The following FAM168A variants were observed in gnomAD, a reference collection of about 807,000 sequenced individuals.
FAM168A encodes family with sequence similarity 168 member A, also known as protein FAM168A.
In FAM168A, 3 loss-of-function variants were observed where a neutral mutation model predicts 28.5. That is an observed-to-expected ratio of 0.11 (90% CI 0.05 to 0.27). FAM168A has a LOEUF of 0.27. FAM168A is among the 10% of genes least tolerant of loss of function. FAM168A has a pLI of 1.00. For synonymous variants in FAM168A, 122 were observed against 124.2 expected (o/e 0.98, Z 0.12); for missense variants, 222 against 311.5 (o/e 0.71, Z 2.16).
chr11:73,501,749 A>C (rs185954723), intron 1 of FAM168A, among the ~76,000 whole-genome samples: 65 of 152,298 alleles, frequency 4.3e-4, no homozygotes, highest in African/African-American at 1.4e-3. Flanking sequence ...AAAGATCTCA[A>C]ATCGACACCC....
chr11:73,459,080 T>TTTTTG (rs1555022932), intron 2 of FAM168A, among the ~76,000 whole-genome samples: 3 of 151,996 alleles, frequency 2.0e-5, no homozygotes, highest in Admixed American at 6.5e-5. Context: ...TCAAACTTTG[T>TTTTTG]TTTTGTTTTG....
chr11:73,579,456 G>C (rs913778578), intron 1 of FAM168A, among the ~76,000 whole-genome samples: 1 of 152,044 alleles, frequency 6.6e-6, no homozygotes, highest in African/African-American at 2.4e-5. Flanking sequence ...TAACTTTGAA[G>C]GTCACACTGC....
At chr11:73,515,714 G>T (rs1417969911) in intron 1 of FAM168A, among the ~76,000 whole-genome samples, 2 of 152,008 alleles carry the variant, frequency 1.3e-5, no homozygotes, top group Admixed American at 1.3e-4. Flanking sequence ...CGCTAATCAA[G>T]AATAGAAATG....
intron 1 of FAM168A, among the ~76,000 whole-genome samples, chr11:73,532,780 G>T (rs567683692): frequency 1.3e-5 from 2 of 152,160 alleles, no homozygotes; most frequent in Non-Finnish European, 2.9e-5. Context: ...GACTTAGGGC[G>T]GATGCATCAT....
intron 1 of FAM168A, among the ~76,000 whole-genome samples, chr11:73,557,580 A>C (rs1943905420): frequency 6.6e-6 from 1 of 152,188 alleles, no homozygotes; most frequent in Non-Finnish European, 1.5e-5. Flanking sequence ...TGGAAATTTT[A>C]ATATTGTTAA....
intron 1 of FAM168A, among the ~76,000 whole-genome samples, chr11:73,594,323 C>T (rs567187157): frequency 1.3e-5 from 2 of 151,406 alleles, no homozygotes; most frequent in Admixed American, 6.6e-5. Flanking sequence ...TGGTCTCGAA[C>T]TCCTAGGCTC....
At chr11:73,532,177 T>G (rs1943522331) in intron 1 of FAM168A, among the ~76,000 whole-genome samples, 1 of 151,958 alleles carries the variant, frequency 6.6e-6, no homozygotes, top group Admixed American at 6.6e-5. Context: ...CTGGGCAAAA[T>G]TAATGATTAT....
In FAM168A at chr11:73,594,736, C is replaced by A. The variant is rs1590761541; in HGVS notation, c.-19+3187G>T. On this transcript the variant is annotated intron_variant, in intron 1 of 7. Coordinates refer to ENST00000356467, the MANE Select transcript of FAM168A (RefSeq NM_015159.3). ...TAGAGATGGGGTTTTGCCATGTTGG[C>A]CAGGCTGATCTCAAACTCCTGACCT... Among the ~76,000 whole-genome samples the A allele has an allele frequency of 2.6e-5, 4 of 151,366 alleles. No individual in the cohort carries two copies. The South Asian group carries it at 8.3e-4, about 31-fold the overall frequency.
intron 1 of FAM168A, among the ~76,000 whole-genome samples, chr11:73,555,441 G>A (rs1005836614): frequency 2.0e-5 from 3 of 152,012 alleles, no homozygotes; most frequent in South Asian, 4.2e-4. Context: ...AAGGAAAAAT[G>A]GGGCTAAGGT....
intron 1 of FAM168A, among the ~76,000 whole-genome samples, chr11:73,582,053 G>A (rs1565307729): frequency 1.3e-5 from 2 of 151,936 alleles, no homozygotes; most frequent in Admixed American, 1.3e-4. Context: ...ATTGCATCTG[G>A]AGCTCCTTGA....
chr11:73,458,464 C>A (rs1297851164), intron 2 of FAM168A, among the ~76,000 whole-genome samples: 1 of 152,208 alleles, frequency 6.6e-6, no homozygotes, highest in African/African-American at 2.4e-5. Flanking sequence ...TAGCATCACA[C>A]ACAGTATCTG....
chr11:73,594,266 A>ATTT (rs749019478), intron 1 of FAM168A, among the ~76,000 whole-genome samples: 2 of 142,772 alleles, frequency 1.4e-5, no homozygotes, highest in African/African-American at 2.6e-5. Flanking sequence ...CACCCAGCAA[A>ATTT]TTTTTTTTTT....
At chr11:73,417,467 C>T (rs866470997) in intron 4 of FAM168A, among the ~76,000 whole-genome samples, 10 of 151,970 alleles carry the variant, frequency 6.6e-5, no homozygotes, top group Non-Finnish European at 1.5e-4. Flanking sequence ...ACATGTATAT[C>T]CCTATTTTTA....
chr11:73,430,436 A>G (rs1866967787), intron 3 of FAM168A: 3 of 424,276 alleles, frequency 7.1e-6, no homozygotes, highest in Non-Finnish European at 1.3e-5. Flanking sequence ...AGGAGGATGC[A>G]GGTCTCAGAC....
At chr11:73,425,828 C>T (rs993303943) in intron 3 of FAM168A, among the ~76,000 whole-genome samples, 7 of 152,210 alleles carry the variant, frequency 4.6e-5, no homozygotes, top group African/African-American at 1.7e-4. Flanking sequence ...TCAAGGGATC[C>T]CCCCGCCTTG....
chr11:73,451,855 A>C (rs774799086), intron 2 of FAM168A, among the ~76,000 whole-genome samples: 6 of 152,254 alleles, frequency 3.9e-5, no homozygotes, highest in Non-Finnish European at 7.3e-5. Flanking sequence ...CATGAGTGTA[A>C]GTTAACTATG....
intron 4 of FAM168A, among the ~76,000 whole-genome samples, chr11:73,417,794 T>C (rs1474924994): frequency 3.9e-5 from 6 of 152,044 alleles, no homozygotes; most frequent in East Asian, 1.9e-4. Flanking sequence ...CTTCTGACCT[T>C]GTGATCCGCC....
At chr11:73,515,069 C>A (rs1943283166) in intron 1 of FAM168A, among the ~76,000 whole-genome samples, 1 of 152,188 alleles carries the variant, frequency 6.6e-6, no homozygotes, top group Admixed American at 6.5e-5. Context: ...CCCACAACCA[C>A]CTCAAGGAGT....
chr11:73,476,063 T>A (rs547986606), intron 1 of FAM168A, among the ~76,000 whole-genome samples: 1 of 152,276 alleles, frequency 6.6e-6, no homozygotes, highest in East Asian at 1.9e-4. Context: ...TTTCATAGGA[T>A]CCCTAGTGGT....
Sources: gnomAD v4.1 joint callset for allele counts (sites outside exome capture counted in the v4.1 genomes callset) on GRCh38, gnomAD v4.1.1 for gene constraint, MANE v1.5 for transcripts, NCBI Gene and HGNC (gene_info 2026-07-23, HGNC 2026-07-21) for gene names.